The following LAMA3 variants were observed in gnomAD, a reference collection of about 807,000 sequenced individuals.
LAMA3 encodes the protein laminin subunit alpha 3.
LAMA3 carries 281 observed loss-of-function variants against 402.0 expected under a neutral mutation model. The ratio of observed to expected loss-of-function variants is 0.70; its 90% CI spans 0.63 to 0.77. The LOEUF is 0.77. LAMA3 is among the 30% of genes least tolerant of loss of function. The probability of loss-of-function intolerance (pLI) is 0.00; values close to 1 mark genes in which losing one functional copy is unlikely to be tolerated. For missense variants in LAMA3, 3,840 were observed against 4,215.5 expected, an observed-to-expected ratio of 0.91 and a Z score of 2.47; for synonymous variants, 1,431 against 1,558.4, an observed-to-expected ratio of 0.92 and a Z score of 1.93.
At chr18:23,873,761 C>T (rs966967959) in intron 38 of LAMA3, among the ~76,000 whole-genome samples, 4 of 152,158 alleles carry the variant, frequency 2.6e-5, no homozygotes, top group Non-Finnish European at 4.4e-5. Context: ...GCTACAGATA[C>T]AGCCCTGGAA....
chr18:23,747,908 T>A, intron 2 of LAMA3, 35 bp from the exon 3 acceptor site: 1 of 1,169,070 alleles, frequency 8.6e-7, no homozygotes, highest in East Asian at 2.3e-5. Context: ...ATCGATGAGA[T>A]GACATTAATA....
At chr18:23,731,189 A>G (rs1443483091) in intron 2 of LAMA3, among the ~76,000 whole-genome samples, 1 of 152,176 alleles carries the variant, frequency 6.6e-6, no homozygotes, top group Admixed American at 6.5e-5. Context: ...GTACTACTTC[A>G]TTCCCAGAGA....
intron 13 of LAMA3, 42 bp from the exon 14 acceptor site, chr18:23,813,015 A>T: frequency 7.2e-7 from 1 of 1,385,570 alleles, no homozygotes; most frequent in Non-Finnish European, 1.0e-6. Context: ...AAAGAGAAAA[A>T]CAAACTACCA....
At chr18:23,693,412 G>T (rs2060629319) in intron 1 of LAMA3, among the ~76,000 whole-genome samples, 1 of 151,992 alleles carries the variant, frequency 6.6e-6, no homozygotes, top group Admixed American at 6.6e-5. Flanking sequence ...TTCTTAGTAT[G>T]GCTTTGAATT....
chr18:23,697,740 T>C (rs1394045441), intron 1 of LAMA3, among the ~76,000 whole-genome samples: 1 of 130,440 alleles, frequency 7.7e-6, no homozygotes, highest in Non-Finnish European at 1.6e-5. Context: ...TGAAACATTT[T>C]TGGCCTCAAG....
At chr18:23,782,791 G>A (rs769238108) in intron 11 of LAMA3, among the ~76,000 whole-genome samples, 2 of 140,838 alleles carry the variant, frequency 1.4e-5, no homozygotes, top group Non-Finnish European at 1.5e-5. Context: ...ACCTTTCTGA[G>A]CATCTTTTTT....
intron 38 of LAMA3, chr18:23,872,894 C>A: frequency 2.5e-6 from 2 of 811,746 alleles, no homozygotes; most frequent in South Asian, 1.5e-5. Flanking sequence ...CTGGCACAGG[C>A]TGACTCATGT....
At chr18:23,928,099 C>T (rs1470437500) in intron 62 of LAMA3, 24 bp from the exon 63 acceptor site, 1 of 1,510,362 alleles carries the variant, frequency 6.6e-7, no homozygotes, top group East Asian at 2.3e-5. Context: ...TCCATCTCTT[C>T]CTTTTATCTG....
intron 15 of LAMA3, among the ~76,000 whole-genome samples, chr18:23,814,748 G>C (rs2063142993): frequency 6.6e-6 from 1 of 152,064 alleles, no homozygotes; most frequent in Admixed American, 6.5e-5. Flanking sequence ...CTTGATAAAT[G>C]GTTTTTATGT....
chr18:23,690,093 G>A (rs1459837152), intron 1 of LAMA3, 116 bp downstream of exon 1: 9 of 842,930 alleles, frequency 1.1e-5, no homozygotes, highest in Non-Finnish European at 1.5e-5. Flanking sequence ...CGGGCGACTG[G>A]GAAGGGCAGC....
intron 70 of LAMA3, among the ~76,000 whole-genome samples, chr18:23,948,914 C>T (rs1450245631): frequency 6.6e-6 from 1 of 152,192 alleles, no homozygotes; most frequent in Non-Finnish European, 1.5e-5. Flanking sequence ...CCATGTCTGA[C>T]TTGTAGGATT....
chr18:23,797,670 G>A (rs1440891773), intron 12 of LAMA3, among the ~76,000 whole-genome samples: 4 of 151,190 alleles, frequency 2.6e-5, no homozygotes, highest in East Asian at 1.9e-4. Context: ...AGCCAAGATC[G>A]CACCACTGCA....
chr18:23,758,011 G>T (rs894728326), intron 6 of LAMA3, among the ~76,000 whole-genome samples: 1 of 152,166 alleles, frequency 6.6e-6, no homozygotes, highest in African/African-American at 2.4e-5. Context: ...CTTTATGCAG[G>T]TGTGATACTT....
chr18:23,911,240 A>G (rs773547040), intron 55 of LAMA3, among the ~76,000 whole-genome samples: 1 of 152,146 alleles, frequency 6.6e-6, no homozygotes, highest in Non-Finnish European at 1.5e-5. Context: ...GTGGGACCCC[A>G]TCGCTAAGTC....
Position 23,784,292 on chromosome 18 carries a change from T to G in LAMA3, c.1603+135T>G. On this transcript the variant is annotated intron_variant, in intron 12 of 74. Transcript: ENST00000313654. ...GGGCCCCTGGCTTATATATGGATGT[T>G]ACATGTGATGGTCCTACCTGGACCT... 3 of 1,022,338 alleles carry G rather than the reference T, an allele frequency of 2.9e-6. No homozygotes were observed. In the South Asian group the frequency reaches 3.9e-5, roughly 13 times the overall value. 63.3% of individuals were successfully genotyped at this position (1,022,338 alleles called of 1,614,324 possible). A position where few individuals can be genotyped will look rare whatever the true frequency, so the allele number is the denominator to read the frequency against.
At chr18:23,789,057 T>C (rs2062601689) in intron 12 of LAMA3, among the ~76,000 whole-genome samples, 2 of 152,100 alleles carry the variant, frequency 1.3e-5, no homozygotes, top group Non-Finnish European at 2.9e-5. Flanking sequence ...CAAGAAGATA[T>C]ACAAATGGCC....
intron 34 of LAMA3, among the ~76,000 whole-genome samples, chr18:23,860,442 A>G (rs1412172885): frequency 2.0e-5 from 3 of 151,060 alleles, no homozygotes; most frequent in Non-Finnish European, 4.4e-5. Context: ...TATTTTTTGT[A>G]GAGTCAGGGT....
At chr18:23,760,008 C>G (rs771776874) in intron 7 of LAMA3, among the ~76,000 whole-genome samples, 1 of 152,154 alleles carries the variant, frequency 6.6e-6, no homozygotes, top group Non-Finnish European at 1.5e-5. Context: ...GGGGTTGTTT[C>G]TTTTGCTGCT....
chr18:23,853,826 G>A (rs1289973123), intron 32 of LAMA3, among the ~76,000 whole-genome samples: 1 of 152,140 alleles, frequency 6.6e-6, no homozygotes, highest in Non-Finnish European at 1.5e-5. Flanking sequence ...AAGTCAGGCC[G>A]ACATGAGGTC....
Sources: gnomAD v4.1 joint callset for allele counts (sites outside exome capture counted in the v4.1 genomes callset) on GRCh38, gnomAD v4.1.1 for gene constraint, MANE v1.5 for transcripts, NCBI Gene and HGNC (gene_info 2026-07-23, HGNC 2026-07-21) for gene names.